Variants in MYH8 observed in about 807,000 individuals in gnomAD.
MYH8 encodes myosin heavy chain 8, also known as myosin-8.
A neutral mutation model predicts 233.2 loss-of-function variants in MYH8; 168 were observed. The ratio of observed to expected loss-of-function variants is 0.72; its 90% CI spans 0.64 to 0.82. The LOEUF is 0.82. Among genes scored for constraint, MYH8 ranks in the 40% least tolerant of loss-of-function variants. The pLI is 0.00. For missense variants in MYH8, 1,995 were observed against 2,327.8 expected (o/e 0.86, Z 2.94); for synonymous variants, 785 against 850.6 (o/e 0.92, Z 1.34).
At chr17:10,394,477 C>T (rs539994865) in intron 34 of MYH8, 25 bp from the exon 35 acceptor site, 2 of 1,612,088 alleles carry the variant, frequency 1.2e-6, no homozygotes, top group Admixed American at 3.3e-5. Context: ...ACAGAAAGGC[C>T]TTAAGTGTTC....
Position 10,409,403 on chromosome 17 carries a change from G to A in MYH8, c.1773C>T (p.Tyr591=), listed in dbSNP as rs1296556829. The part of the protein sequence containing the change: ...SLIHYAGTVD[Y]NITGWLDKNK... Reference sequence around the variant, plus strand: ...TTTTGTCCAGCCAGCCAGTAATGTTGTAGTCCACAGTGCCAGCATAGTGAA... The same window carrying A: ...TTTTGTCCAGCCAGCCAGTAATGTTATAGTCCACAGTGCCAGCATAGTGAA... The change falls in exon 16 of 40, where the codon TAC becomes TAT. Residue 591 remains tyrosine (Y), a synonymous_variant. Transcript: ENST00000403437. 6.2e-7 allele frequency: 1 copy of A among 1,614,224 alleles called. No individual in the cohort carries two copies. The highest frequency in any genetic ancestry group is 1.7e-5 in the Admixed American group (1 of 60,028).
At chr17:10,408,041 A>G (rs1429331799) in intron 17 of MYH8, among the ~76,000 whole-genome samples, 8 of 151,124 alleles carry the variant, frequency 5.3e-5, no homozygotes, top group African/African-American at 1.9e-4. Context: ...CCTGGGTGCA[A>G]GCGATTCTTC....
chr17:10,403,784 C>T (rs541374973), intron 22 of MYH8, among the ~76,000 whole-genome samples: 4 of 152,144 alleles, frequency 2.6e-5, no homozygotes, highest in Non-Finnish European at 5.9e-5. Flanking sequence ...CCAACTGCCC[C>T]TCCTTCCTGC....
Position 10,409,525 on chromosome 17 carries a change from A to C in MYH8, c.1651T>G (p.Phe551Val). The C allele has an allele frequency of 1.2e-6, 2 of 1,614,214 alleles. No homozygotes were observed. The highest frequency in any genetic ancestry group is 1.7e-6 in the Non-Finnish European group (2 of 1,180,028). ...TGCTGGTCATACAGCTTGTTCTTGAAGGAGGTGTCCGTTGCCTTAGGGAAC... is the reference window on the plus strand; with the variant it reads ...TGCTGGTCATACAGCTTGTTCTTGACGGAGGTGTCCGTTGCCTTAGGGAAC... The part of the protein sequence containing the change: ...CMFPKATDTS[F>V]KNKLYDQHLG... Residue 551 changes from phenylalanine (F) to valine (V), a missense_variant, in exon 16 of 40, where the codon TTC (phenylalanine) becomes GTC (valine). Physicochemically the swap from Phe to Val is conservative, Grantham distance 50. Coordinates refer to ENST00000403437, the MANE Select transcript of MYH8 (RefSeq NM_002472.3).
chr17:10,393,848 T>G (rs904593449), intron 35 of MYH8, among the ~76,000 whole-genome samples: 6 of 152,188 alleles, frequency 3.9e-5, no homozygotes, highest in African/African-American at 1.4e-4. Context: ...TGCTAAATGC[T>G]TAAGTGCTAC....
rs1270201653 is a variant in MYH8 at position 10,400,937 on chromosome 17, A to C, written c.3277T>G (p.Leu1093Val). The change falls in exon 26 of 40, where the codon TTG (leucine) becomes GTG (valine). Residue 1093 changes from leucine (L) to valine (V), a missense_variant. By Grantham distance (32) the Leu-to-Val change is conservative. Transcript: ENST00000403437. The surrounding 1 kb of genome is among the most constrained non-coding windows in gnomAD (Gnocchi z 4.0). ...LEKKEFEISN[L>V]ISKIEDEQAV... Reference sequence around the variant, plus strand: ...TGCTCATCTTCAATTTTGCTTATCAAATTGCTGATTTCAAATTCTTTCCTT... The same window carrying C: ...TGCTCATCTTCAATTTTGCTTATCACATTGCTGATTTCAAATTCTTTCCTT... The C allele has an allele frequency of 5.0e-6, 8 of 1,613,678 alleles. No homozygotes were observed. Among genetic ancestry groups the C allele is most frequent in the Non-Finnish European group, 6.8e-6 (8 of 1,180,030 alleles).
At chr17:10,397,074 T>C in intron 30 of MYH8, 88 bp from the exon 31 acceptor site, 1 of 1,401,830 alleles carries the variant, frequency 7.1e-7, no homozygotes, top group South Asian at 1.2e-5. Flanking sequence ...GTCCTATTTC[T>C]TTTCTTTTCT....
At position 10,403,355 on chromosome 17, in the gene MYH8, G is replaced by T. The variant is rs530219535; in HGVS notation, c.2688+975C>A. 3.3e-4 allele frequency among the ~76,000 whole-genome samples: 50 copies of T among 152,212 alleles called. No homozygotes were observed. The South Asian group carries it at 5.6e-3, about 17-fold the overall frequency. On this transcript the variant is annotated intron_variant, in intron 22 of 39. Coordinates refer to ENST00000403437, the MANE Select transcript of MYH8 (RefSeq NM_002472.3). ...AAATCAATCCAGTCTAATTTATTAG[G>T]TTACCTTGGCCTGGGGAATATTTTT...
rs753003776 is a variant in MYH8, at chr17:10,415,717, G to T, written c.512-9C>A. The T allele has an allele frequency of 1.8e-5, 29 of 1,612,738 alleles. No individual in the cohort carries two copies. The South Asian group carries it at 2.9e-4, about 16-fold the overall frequency. ...GGACTGATTCTCTCGATCTGTGAAA[G>T]AATTCAAAATCATCCGTTAAAAAAT... On this transcript the variant is annotated splice_polypyrimidine_tract_variant and intron_variant, in intron 5 of 39. Coordinates refer to ENST00000403437, the MANE Select transcript of MYH8 (RefSeq NM_002472.3). The surrounding 1 kb of genome is among the most constrained non-coding windows in gnomAD (Gnocchi z 4.1).
chr17:10,390,421 C>T lies in MYH8; in HGVS notation c.*33G>A. 2 of 1,612,474 alleles carry T rather than the reference C, an allele frequency of 1.2e-6. No homozygotes were observed. The highest frequency in any genetic ancestry group is 1.7e-6 in the Non-Finnish European group (2 of 1,179,952). Reference sequence around the variant, plus strand: ...CAAAAATAGCACATTTTGTGCCTTTCTTCAGCCTCTTGATAGCATCAGGCA... The same window carrying T: ...CAAAAATAGCACATTTTGTGCCTTTTTTCAGCCTCTTGATAGCATCAGGCA... On this transcript the variant is annotated 3_prime_UTR_variant, in exon 40 of 40. Coordinates refer to ENST00000403437, the MANE Select transcript of MYH8 (RefSeq NM_002472.3).
At chr17:10,407,839 GA>G (rs897796108) in intron 17 of MYH8, among the ~76,000 whole-genome samples, 5 of 147,042 alleles carry the variant, frequency 3.4e-5, no homozygotes, top group South Asian at 4.3e-4. Context: ...ACTCTGTCTC[GA>G]AAAAAAAATA....
In MYH8 at chr17:10,414,519, G is replaced by C. The variant is rs376503702; in HGVS notation, c.806-35C>G. 10 of 1,379,146 alleles carry C rather than the reference G, an allele frequency of 7.3e-6. No homozygotes were observed. In the Admixed American group the frequency reaches 1.4e-4, roughly 19 times the overall value. 85.4% of individuals were successfully genotyped at this position (1,379,146 alleles called of 1,614,324 possible). A position where few individuals can be genotyped will look rare whatever the true frequency, so the allele number is the denominator to read the frequency against. On this transcript the variant is annotated intron_variant, in intron 9 of 39. Coordinates refer to ENST00000403437, the MANE Select transcript of MYH8 (RefSeq NM_002472.3). ...GAAATAGATATCGAGTTTGAAAAAA[G>C]TATCAATGCTTCTGAGATAGTAAAT... is the stretch of plus-strand genomic sequence containing the variant.
intron 17 of MYH8, among the ~76,000 whole-genome samples, chr17:10,408,687 G>C (rs967943824): frequency 1.1e-4 from 16 of 152,190 alleles, no homozygotes; most frequent in Non-Finnish European, 1.0e-4. Context: ...AGAGGACAAA[G>C]ATATGTTTTG....
Position 10,415,057 on chromosome 17 carries a change from TC to T in MYH8, c.805+58del. The T allele has an allele frequency of 6.6e-7, 1 of 1,524,298 alleles. No individual in the cohort carries two copies. Among genetic ancestry groups the T allele is most frequent in the Non-Finnish European group, 9.1e-7 (1 of 1,098,480 alleles). The allele number at this position is 1,524,298 out of a possible 1,614,324, so 94.4% of individuals were successfully genotyped here. A position where few individuals can be genotyped will look rare whatever the true frequency, so the allele number is the denominator to read the frequency against. ...CATGCACAGCAAGGGTGGCAAAATA[TC>T]CCTGCAAATGAAATCACTTGTCTCT... On this transcript the variant is annotated intron_variant, in intron 9 of 39. Transcript: ENST00000403437. This position sits in a 1 kb window ranked among gnomAD's most constrained non-coding sequence, Gnocchi z 4.1.
At chr17:10,405,577 A>G (rs1313976567) in intron 21 of MYH8, among the ~76,000 whole-genome samples, 1 of 152,230 alleles carries the variant, frequency 6.6e-6, no homozygotes, top group Non-Finnish European at 1.5e-5. Context: ...TGTTGGGTAG[A>G]TAAACTGGGT....
chr17:10,398,139 G>A (rs188606271), intron 30 of MYH8, among the ~76,000 whole-genome samples: 311 of 152,280 alleles, frequency 2.0e-3, no homozygotes, highest in African/African-American at 7.1e-3. Context: ...AAGGTGGGCT[G>A]TAGAATCAGA....
intron 37 of MYH8, 23 bp from the exon 38 acceptor site, chr17:10,392,669 C>A: frequency 1.2e-6 from 2 of 1,613,730 alleles, no homozygotes; most frequent in Non-Finnish European, 1.7e-6. Context: ...AAAATACTTA[C>A]GCAGTCAGTC....
In MYH8 at chr17:10,406,355, G is replaced by T. The variant is rs1435208666; in HGVS notation, c.2214C>A (p.Phe738Leu). 6.2e-7 allele frequency: 1 copy of T among 1,613,912 alleles called. No homozygotes were observed. Among genetic ancestry groups the T allele is most frequent in the Non-Finnish European group, 8.5e-7 (1 of 1,179,816 alleles). ...LNASAIPEGQFIDSKKASEKL... is the reference protein window; with the variant it reads ...LNASAIPEGQLIDSKKASEKL... ...TCTCAGAAGCCTTCTTGCTGTCAATGAACTGTCCCTCTGGAATAGCACTTG... is the reference window on the plus strand; with the variant it reads ...TCTCAGAAGCCTTCTTGCTGTCAATTAACTGTCCCTCTGGAATAGCACTTG... The change falls in exon 20 of 40, where the codon TTC (phenylalanine) becomes TTA (leucine). Residue 738 changes from phenylalanine to leucine, a missense_variant. Coordinates refer to ENST00000403437, the MANE Select transcript of MYH8 (RefSeq NM_002472.3).
rs754237953 is a variant in MYH8, at chr17:10,412,481, G to A, written c.1305C>T (p.Tyr435=). 57 of 1,614,114 alleles carry A rather than the reference G, an allele frequency of 3.5e-5. No individual in the cohort carries two copies. Among genetic ancestry groups the A allele is most frequent in the East Asian group, 1.8e-4 (8 of 44,894 alleles). The change falls in exon 14 of 40, where the codon TAC becomes TAT. Residue 435 remains tyrosine, a synonymous_variant. Coordinates refer to ENST00000403437, the MANE Select transcript of MYH8 (RefSeq NM_002472.3). ...NAVGALAKAV[Y]EKMFLWMVTR... ...TGACCATCCACAGGAACATCTTCTCGTAGACGGCTTTGGCCAGAGCACCCA... is the reference window on the plus strand; with the variant it reads ...TGACCATCCACAGGAACATCTTCTCATAGACGGCTTTGGCCAGAGCACCCA...
Sources: gnomAD v4.1 joint callset for allele counts (sites outside exome capture counted in the v4.1 genomes callset) on GRCh38, gnomAD v4.1.1 for gene constraint, Gnocchi (gnomAD v3.1) non-coding constraint, MANE v1.5 for transcripts, NCBI Gene and HGNC (gene_info 2026-07-23, HGNC 2026-07-21) for gene names.